Variants in SLC9A7 observed in about 807,000 individuals in gnomAD.
SLC9A7 encodes sodium/hydrogen exchanger 7.
A neutral mutation model predicts 52.6 loss-of-function variants in SLC9A7; 19 were observed. That is an observed-to-expected ratio of 0.36 (90% confidence interval 0.25 to 0.53). The LOEUF (loss-of-function observed/expected upper bound fraction) is 0.53. SLC9A7 is among the 20% of genes least tolerant of loss of function. The probability of loss-of-function intolerance (pLI) is 0.91; values close to 1 mark genes in which losing one functional copy is unlikely to be tolerated. For synonymous variants in SLC9A7, 226 were observed against 252.1 expected, an observed-to-expected ratio of 0.90 and a Z score of 0.98; for missense variants, 455 against 597.9, an observed-to-expected ratio of 0.76 and a Z score of 2.49.
chrX:46,638,237 A>G (rs939348777), intron 12 of SLC9A7, among the ~76,000 whole-genome samples: 1 of 112,434 alleles, frequency 8.9e-6, no homozygotes, highest in African/African-American at 3.2e-5. Flanking sequence ...ACCTTATTTC[A>G]GAGGGAATTT....
intron 1 of SLC9A7, among the ~76,000 whole-genome samples, chrX:46,686,822 ATTG>A (rs1944302966): frequency 8.9e-6 from 1 of 112,166 alleles, no homozygotes; most frequent in Non-Finnish European, 1.9e-5. Context: ...TAATGAAAGA[ATTG>A]TTTTGAACTT....
chrX:46,737,971 G>A (rs778133732), intron 1 of SLC9A7, among the ~76,000 whole-genome samples: 1 of 107,235 alleles, frequency 9.3e-6, no homozygotes, highest in Non-Finnish European at 1.9e-5. Context: ...AGGCTGCAGT[G>A]AGCAGAGATC....
At chrX:46,681,514 A>T (rs1944209669) in intron 2 of SLC9A7, among the ~76,000 whole-genome samples, 2 of 112,065 alleles carry the variant, frequency 1.8e-5, no homozygotes, top group South Asian at 7.4e-4. Flanking sequence ...TCCAAAAACA[A>T]CAATAATTTA....
intron 8 of SLC9A7, 90 bp downstream of exon 8, chrX:46,653,519 C>T: frequency 5.3e-6 from 3 of 564,608 alleles, no homozygotes; most frequent in East Asian, 3.5e-5. Context: ...CTCTGTGCAG[C>T]TGTTATCTAA....
intron 12 of SLC9A7, among the ~76,000 whole-genome samples, chrX:46,638,211 A>G (rs773440064): frequency 8.9e-6 from 1 of 112,570 alleles, no homozygotes; most frequent in South Asian, 3.7e-4. Flanking sequence ...AGCCAGAAAA[A>G]TTAATCTGTT....
intron 1 of SLC9A7, among the ~76,000 whole-genome samples, chrX:46,729,281 T>G (rs1268108409): frequency 8.9e-6 from 1 of 112,138 alleles, no homozygotes; most frequent in African/African-American, 3.2e-5. Flanking sequence ...ACCTAAAAAT[T>G]TAAGTAACAA....
chrX:46,713,292 G>A (rs950787490), intron 1 of SLC9A7, among the ~76,000 whole-genome samples: 1 of 110,042 alleles, frequency 9.1e-6, no homozygotes, highest in Non-Finnish European at 1.9e-5. Flanking sequence ...CTGAGCTCAG[G>A]AGTTCAAGAC....
chrX:46,735,599 T>C (rs1945109176), intron 1 of SLC9A7, among the ~76,000 whole-genome samples: 1 of 112,463 alleles, frequency 8.9e-6, no homozygotes. Context: ...GTAGATCCAG[T>C]TTTCCAAATT....
chrX:46,660,934 C>T (rs1350553178), intron 7 of SLC9A7, among the ~76,000 whole-genome samples: 5 of 108,414 alleles, frequency 4.6e-5, no homozygotes, highest in Non-Finnish European at 7.7e-5. Flanking sequence ...ATGTTTATTG[C>T]GGCATTATTC....
In SLC9A7 at chrX:46,702,630, C is replaced by T. The variant is rs761902087; in HGVS notation, c.326-20095G>A. Among the ~76,000 whole-genome samples, 4 of 112,023 alleles carry T rather than the reference C, an allele frequency of 3.6e-5. No individual in the cohort carries two copies. The East Asian group carries it at 1.1e-3, about 31-fold the overall frequency. The stretch of plus-strand genomic sequence containing the variant: ...AACGTAATCTTGTTCTTTTTTATGG[C>T]CGTGTAGTATTCCCTGGGGTATATG... On this transcript the variant is annotated intron_variant, in intron 1 of 16. Coordinates refer to ENST00000616978, the MANE Select transcript of SLC9A7 (RefSeq NM_001257291.2).
At position 46,606,416 on chromosome X, in the gene SLC9A7, GT is replaced by G. The variant is rs764947772; in HGVS notation, c.*535del. The G allele has an allele frequency of 4.4e-5, 33 of 754,824 alleles. No homozygotes were observed. In the African/African-American group the frequency reaches 7.4e-4, roughly 17 times the overall value. The allele number at this position is 754,824 out of a possible 1,213,427, so 62.2% of individuals were successfully genotyped here. On this transcript the variant is annotated 3_prime_UTR_variant, in exon 17 of 17. Transcript: ENST00000616978. ...ATAAAGTCAGGAATCCTGATATGAG[GT>G]TGCAGTCAAGCAGACTTCGTTGCCA...
At chrX:46,723,298 C>CAAAAAAAA (rs764219707) in intron 1 of SLC9A7, among the ~76,000 whole-genome samples, 8 of 18,207 alleles carry the variant, frequency 4.4e-4, no homozygotes, top group Non-Finnish European at 6.6e-4. Context: ...AAGATTTCTA[C>CAAAAAAAA]AAAAAAAAAA....
intron 1 of SLC9A7, among the ~76,000 whole-genome samples, chrX:46,746,576 A>C (rs1179491534): frequency 8.9e-6 from 1 of 112,582 alleles, no homozygotes; most frequent in Non-Finnish European, 1.9e-5. Flanking sequence ...AATGCAAATA[A>C]GAACTACAAT....
chrX:46,697,580 A>C (rs1010922892), intron 1 of SLC9A7, among the ~76,000 whole-genome samples: 5 of 112,029 alleles, frequency 4.5e-5, no homozygotes, highest in African/African-American at 1.6e-4. Flanking sequence ...TACCCTTGTG[A>C]TTTCCTATGC....
intron 1 of SLC9A7, among the ~76,000 whole-genome samples, chrX:46,743,252 C>G (rs757989547): frequency 8.8e-4 from 98 of 111,905 alleles, no homozygotes; most frequent in Admixed American, 2.8e-3. Context: ...CCAATAGGTC[C>G]TGGGAACTTG....
At chrX:46,692,345 T>C (rs1260393992) in intron 1 of SLC9A7, among the ~76,000 whole-genome samples, 2 of 111,170 alleles carry the variant, frequency 1.8e-5, no homozygotes, top group African/African-American at 6.5e-5. Context: ...GCATTGGCAC[T>C]GAACCATCCG....
chrX:46,665,309 A>C (rs1171526327), intron 5 of SLC9A7, among the ~76,000 whole-genome samples: 1 of 110,570 alleles, frequency 9.0e-6, no homozygotes, highest in Non-Finnish European at 1.9e-5. Context: ...AGAAGGAAAA[A>C]CTCAAGGACC....
At chrX:46,667,884 G>A (rs1201709876) in intron 5 of SLC9A7, among the ~76,000 whole-genome samples, 1 of 111,931 alleles carries the variant, frequency 8.9e-6, no homozygotes, top group African/African-American at 3.3e-5. Context: ...ACTTGGAAAG[G>A]AGAACTTTTT....
chrX:46,728,461 C>A (rs1383542997), intron 1 of SLC9A7, among the ~76,000 whole-genome samples: 5 of 112,110 alleles, frequency 4.5e-5, no homozygotes, highest in Non-Finnish European at 7.5e-5. Flanking sequence ...CCACTTCATA[C>A]TAGAATTGAT....
Sources: allele counts gnomAD v4.1 joint callset (sites outside exome capture counted in the v4.1 genomes callset), GRCh38; gene constraint gnomAD v4.1.1; transcripts MANE v1.5; gene names NCBI Gene and HGNC (gene_info 2026-07-23, HGNC 2026-07-21).